VPS37A: variants seen among roughly 807,000 people sequenced by gnomAD.
The protein encoded by VPS37A is vacuolar protein sorting-associated protein 37A.
A neutral mutation model predicts 49.8 loss-of-function variants in VPS37A; 30 were observed. That is an observed-to-expected ratio of 0.60 (90% CI 0.45 to 0.82). VPS37A has a LOEUF of 0.82. Among genes scored for constraint, VPS37A ranks in the 40% least tolerant of loss-of-function variants. The pLI is 0.00. For synonymous variants in VPS37A, 195 were observed against 160.6 expected (o/e 1.21, Z -1.62); for missense variants, 593 against 464.4 (o/e 1.28, Z -2.55).
At chr8:17,318,169 G>A in the VPS37A span, among the ~76,000 whole-genome samples, 1 of 152,114 alleles carries the variant, frequency 6.6e-6, no homozygotes, top group Non-Finnish European at 1.5e-5. Flanking sequence ...CTGAAACCCT[G>A]GGCCTAGTCT....
In VPS37A at chr8:17,247,629, CTG is replaced by C. The variant is rs1165872504; in HGVS notation, c.125+262_125+263del. The C allele has an allele frequency of 4.8e-5, 34 of 704,814 alleles. No individual in the cohort carries two copies. In the African/African-American group the frequency reaches 5.7e-4, roughly 12 times the overall value. 43.7% of individuals were successfully genotyped at this position (704,814 alleles called of 1,614,324 possible). On this transcript the variant is annotated intron_variant, in intron 1 of 11. Coordinates refer to ENST00000324849, the MANE Select transcript of VPS37A (RefSeq NM_152415.3). ...ATCCCTCCTGACACATAGCTGCTGA[CTG>C]TAATCTCTCAATCTCTCTCATAGTC...
chr8:17,265,735 G>C (rs1813388012), intron 1 of VPS37A, 172 bp from the exon 2 acceptor site: 1 of 1,510,220 alleles, frequency 6.6e-7, no homozygotes, highest in Middle Eastern at 1.7e-4. Context: ...TAGATGATGA[G>C]CCTTTCTAAC....
chr8:17,304,437 G>C, downstream of VPS37A: 1 of 1,614,100 alleles, frequency 6.2e-7, no homozygotes, highest in Non-Finnish European at 8.5e-7. Flanking sequence ...GTCTGGCTGT[G>C]ATCAGCTCTA....
intron 1 of VPS37A, among the ~76,000 whole-genome samples, chr8:17,253,400 G>C (rs748513368): frequency 1.2e-4 from 18 of 152,114 alleles, no homozygotes; most frequent in Non-Finnish European, 2.5e-4. Context: ...ACTCCTTTCA[G>C]TAGTTTCCTA....
chr8:17,310,645 T>G, the VPS37A span, among the ~76,000 whole-genome samples: 4 of 152,126 alleles, frequency 2.6e-5, no homozygotes, highest in African/African-American at 9.7e-5. Flanking sequence ...TCACAGGTAA[T>G]TGGAAGTTCT....
chr8:17,270,676 G>A (rs1202088790), intron 4 of VPS37A, among the ~76,000 whole-genome samples: 1 of 152,134 alleles, frequency 6.6e-6, no homozygotes, highest in Non-Finnish European at 1.5e-5. Context: ...AGTTCAAGAA[G>A]TTCATATGGG....
intron 4 of VPS37A, among the ~76,000 whole-genome samples, chr8:17,273,489 C>A (rs1006355037): frequency 1.3e-5 from 2 of 152,178 alleles, no homozygotes; most frequent in African/African-American, 4.8e-5. Context: ...GCCTCAGCCT[C>A]CCGAGTAGCT....
chr8:17,256,221 TCCAAATCCTTG>T (rs1232185039), intron 1 of VPS37A, among the ~76,000 whole-genome samples: 1 of 151,132 alleles, frequency 6.6e-6, no homozygotes, highest in Non-Finnish European at 1.5e-5. Flanking sequence ...TTCCCCTGTC[TCCAAATCCTTG>T]CCAGCATTCG....
At chr8:17,301,099 G>A (rs949952800), downstream of VPS37A, among the ~76,000 whole-genome samples, 1 of 152,212 alleles carries the variant, frequency 6.6e-6, no homozygotes, top group African/African-American at 2.4e-5. Flanking sequence ...GGTGTTATAA[G>A]ATCAAGTATT....
intron 1 of VPS37A, among the ~76,000 whole-genome samples, chr8:17,259,806 C>A (rs1433690444): frequency 3.3e-5 from 5 of 152,026 alleles, no homozygotes; most frequent in African/African-American, 1.2e-4. Context: ...GAATTGACCC[C>A]TTTATCATTT....
intron 10 of VPS37A, among the ~76,000 whole-genome samples, chr8:17,284,835 C>T (rs184228556): frequency 2.6e-5 from 4 of 152,106 alleles, no homozygotes; most frequent in Non-Finnish European, 4.4e-5. Context: ...TGTCATAGGA[C>T]TCTGGACAGC....
At chr8:17,253,721 A>T (rs1431697028) in intron 1 of VPS37A, among the ~76,000 whole-genome samples, 1 of 152,152 alleles carries the variant, frequency 6.6e-6, no homozygotes, top group Non-Finnish European at 1.5e-5. Context: ...CTGTGTTTTC[A>T]TAGCTCTTTG....
At chr8:17,254,618 A>G (rs934306324) in intron 1 of VPS37A, among the ~76,000 whole-genome samples, 1 of 150,848 alleles carries the variant, frequency 6.6e-6, no homozygotes, top group Admixed American at 6.6e-5. Flanking sequence ...TTCCTTGTTT[A>G]CTTTCTTTTT....
At chr8:17,309,386 C>T in the VPS37A span, 2 of 1,154,620 alleles carry the variant, frequency 1.7e-6, no homozygotes, top group Non-Finnish European at 2.6e-6. Flanking sequence ...AGAGACCACA[C>T]AACCAATAAT....
the VPS37A span, among the ~76,000 whole-genome samples, chr8:17,324,597 A>G: frequency 6.6e-6 from 1 of 152,222 alleles, no homozygotes; most frequent in African/African-American, 2.4e-5. Context: ...GAGAGGCAAA[A>G]GCACACATAC....
In VPS37A at chr8:17,295,398, A is replaced by C. The variant is rs1816545548; in HGVS notation, c.*412A>C. On this transcript the variant is annotated 3_prime_UTR_variant, in exon 12 of 12. Coordinates refer to ENST00000324849, the MANE Select transcript of VPS37A (RefSeq NM_152415.3). ...TTTTCCTCTTAACCTTTTTTCAAAAACTATTTTCAACTGTGAGGAAACCCT... is the reference window on the plus strand; with the variant it reads ...TTTTCCTCTTAACCTTTTTTCAAAACCTATTTTCAACTGTGAGGAAACCCT... The C allele has an allele frequency of 6.6e-6, 1 of 152,568 alleles. No individual in the cohort carries two copies. The highest frequency in any genetic ancestry group is 1.5e-5 in the Non-Finnish European group (1 of 68,016). 9.5% of individuals were successfully genotyped at this position (152,568 alleles called of 1,614,324 possible).
chr8:17,251,113 T>G (rs1041532541), intron 1 of VPS37A, among the ~76,000 whole-genome samples: 2 of 152,152 alleles, frequency 1.3e-5, no homozygotes, highest in Non-Finnish European at 2.9e-5. Context: ...GCTGGAATCT[T>G]TCAACCCAGC....
chr8:17,279,848 A>T lies in VPS37A; in HGVS notation c.714-180A>T, dbSNP rs769740526. ...TCAAGAATATATTACAGACTGCTCT[A>T]TGTTCCATTGTGGTTGATGTTTTAT... On this transcript the variant is annotated intron_variant, in intron 6 of 11. Coordinates refer to ENST00000324849, the MANE Select transcript of VPS37A (RefSeq NM_152415.3). 83 of 734,198 alleles carry T rather than the reference A, an allele frequency of 1.1e-4. 3 individuals carry two copies. In the Middle Eastern group the frequency reaches 0.011, roughly 99 times the overall value. 45.5% of individuals were successfully genotyped at this position (734,198 alleles called of 1,614,324 possible).
chr8:17,310,226 CTG>C, the VPS37A span, among the ~76,000 whole-genome samples: 1 of 152,000 alleles, frequency 6.6e-6, no homozygotes, highest in African/African-American at 2.4e-5. Context: ...GTCTCAAACT[CTG>C]GGGCTCCAGC....
Sources: allele counts gnomAD v4.1 joint callset (sites outside exome capture counted in the v4.1 genomes callset), GRCh38; gene constraint gnomAD v4.1.1; transcripts MANE v1.5; gene names NCBI Gene and HGNC (gene_info 2026-07-23, HGNC 2026-07-21).